The following RAB38 variants were observed in gnomAD, a reference collection of about 807,000 sequenced individuals.
RAB38 encodes RAB38, member RAS oncogene family, also known as ras-related protein Rab-38.
A neutral mutation model predicts 18.4 loss-of-function variants in RAB38; 15 were observed. The ratio of observed to expected loss-of-function variants is 0.82; its 90% CI spans 0.55 to 1.26. RAB38 has a LOEUF of 1.26. Among genes scored for constraint, RAB38 ranks in the 50% most tolerant of loss-of-function variants. The pLI is 0.00. For missense variants in RAB38, 294 were observed against 267.4 expected (o/e 1.10, Z -0.69); for synonymous variants, 101 against 104.4 (o/e 0.97, Z 0.20).
At chr11:87,946,930 G>A in the RAB38 span, among the ~76,000 whole-genome samples, 40 of 136,236 alleles carry the variant, frequency 2.9e-4, no homozygotes, top group East Asian at 8.5e-3. Flanking sequence ...TGGGTCAAAT[G>A]GTATTTCTAG....
chr11:87,859,709 G>C, the RAB38 span, among the ~76,000 whole-genome samples: 3 of 152,028 alleles, frequency 2.0e-5, no homozygotes, highest in African/African-American at 7.2e-5. Context: ...GCTAGTTCTT[G>C]TTGGCATCAG....
chr11:87,838,325 A>G, the RAB38 span, among the ~76,000 whole-genome samples: 13 of 152,238 alleles, frequency 8.5e-5, no homozygotes, highest in South Asian at 2.5e-3. Context: ...CGTGTTAGCC[A>G]GGATGGTCTC....
At chr11:88,097,234 T>C in the RAB38 span, among the ~76,000 whole-genome samples, 1 of 151,870 alleles carries the variant, frequency 6.6e-6, no homozygotes, top group Admixed American at 6.6e-5. Flanking sequence ...GCAAATGGAA[T>C]GTTTCAAGTC....
downstream of RAB38, among the ~76,000 whole-genome samples, chr11:88,112,789 AC>A (rs60655557): frequency 0.081 from 10,819 of 134,018 alleles, 646 homozygotes; most frequent in African/African-American, 0.19. Context: ...AACAACAACA[AC>A]AAAATATATA....
intron 2 of RAB38, among the ~76,000 whole-genome samples, chr11:88,129,619 G>A (rs1332163389): frequency 1.3e-5 from 2 of 152,154 alleles, no homozygotes; most frequent in Non-Finnish European, 2.9e-5. Flanking sequence ...ACTGCAGTCT[G>A]GGCGACAAAG....
the RAB38 span, among the ~76,000 whole-genome samples, chr11:87,875,369 T>G: frequency 9.2e-5 from 14 of 151,572 alleles, no homozygotes; most frequent in East Asian, 2.7e-3. Context: ...AATATTGATA[T>G]CCAATCAACC....
the RAB38 span, among the ~76,000 whole-genome samples, chr11:88,049,213 C>T: frequency 6.6e-6 from 1 of 152,156 alleles, no homozygotes; most frequent in Admixed American, 6.5e-5. Context: ...TAATAGAAGA[C>T]AGGAATGTCA....
At chr11:87,895,094 T>A in the RAB38 span, among the ~76,000 whole-genome samples, 1 of 151,496 alleles carries the variant, frequency 6.6e-6, no homozygotes, top group African/African-American at 2.4e-5. Flanking sequence ...CAGCTTGAAT[T>A]TGTTTAAAAG....
At chr11:87,951,445 G>T in the RAB38 span, among the ~76,000 whole-genome samples, 1 of 151,908 alleles carries the variant, frequency 6.6e-6, no homozygotes, top group Non-Finnish European at 1.5e-5. Context: ...GAGGAGCTGC[G>T]TTCCTTTGGA....
the RAB38 span, among the ~76,000 whole-genome samples, chr11:87,848,179 C>T: frequency 6.6e-6 from 1 of 152,162 alleles, no homozygotes; most frequent in Admixed American, 6.6e-5. Flanking sequence ...TTTTACCATA[C>T]AGGGAAATAA....
At chr11:88,078,501 A>ATGTGTGTGTGTGTGTG in the RAB38 span, among the ~76,000 whole-genome samples, 9 of 148,790 alleles carry the variant, frequency 6.0e-5, no homozygotes, top group Admixed American at 1.3e-4. Flanking sequence ...GTGTGTATAT[A>ATGTGTGTGTGTGTGTG]TGTGTGTGTG....
chr11:87,967,871 G>A, the RAB38 span, among the ~76,000 whole-genome samples: 1 of 152,268 alleles, frequency 6.6e-6, no homozygotes, highest in Admixed American at 6.5e-5. Context: ...GAAATGCCCT[G>A]CGGTGGGTAG....
At chr11:87,831,218 A>G in the RAB38 span, among the ~76,000 whole-genome samples, 1 of 152,176 alleles carries the variant, frequency 6.6e-6, no homozygotes, top group African/African-American at 2.4e-5. Context: ...TTAATTTTTT[A>G]GATGGCTTTT....
chr11:87,885,746 A>G, the RAB38 span, among the ~76,000 whole-genome samples: 1 of 151,954 alleles, frequency 6.6e-6, no homozygotes, highest in African/African-American at 2.4e-5. Context: ...GTGTTACCTA[A>G]AAGGTAAAAC....
At chr11:87,920,414 A>G in the RAB38 span, among the ~76,000 whole-genome samples, 145 of 152,188 alleles carry the variant, frequency 9.5e-4, 2 homozygotes, top group African/African-American at 3.1e-3. Flanking sequence ...TTAGGAACAC[A>G]TTGTTCAATT....
At chr11:88,015,055 T>G in the RAB38 span, among the ~76,000 whole-genome samples, 1 of 135,192 alleles carries the variant, frequency 7.4e-6, no homozygotes, top group East Asian at 2.0e-4. Context: ...TGCCTGTATT[T>G]TTTTTTTTTT....
chr11:87,934,736 G>T, the RAB38 span, among the ~76,000 whole-genome samples: 3 of 151,788 alleles, frequency 2.0e-5, no homozygotes, highest in African/African-American at 7.3e-5. Context: ...ATTAAAGTCT[G>T]ATCAGGAAAA....
chr11:88,089,906 G>C, the RAB38 span, among the ~76,000 whole-genome samples: 1 of 151,938 alleles, frequency 6.6e-6, no homozygotes, highest in Non-Finnish European at 1.5e-5. Flanking sequence ...AGAAGGTATA[G>C]GCTGTGGCTT....
the RAB38 span, among the ~76,000 whole-genome samples, chr11:88,020,124 T>C: frequency 6.6e-6 from 1 of 152,182 alleles, no homozygotes; most frequent in African/African-American, 2.4e-5. Context: ...CAAGTAACTT[T>C]GGCCATTTGT....
Sources: allele counts gnomAD v4.1 joint callset (sites outside exome capture counted in the v4.1 genomes callset), GRCh38; gene constraint gnomAD v4.1.1; transcripts MANE v1.5; gene names NCBI Gene and HGNC (gene_info 2026-07-23, HGNC 2026-07-21).